INPP4B: variants seen among roughly 807,000 people sequenced by gnomAD.
INPP4B encodes the protein inositol polyphosphate-4-phosphatase type II B.
A neutral mutation model predicts 122.5 loss-of-function variants in INPP4B; 55 were observed. The observed-to-expected ratio is 0.45, with a 90% CI of 0.36 to 0.56. The LOEUF (loss-of-function observed/expected upper bound fraction) is 0.56, where lower values mean the gene tolerates loss of function less well. INPP4B is among the 20% of genes least tolerant of loss of function. INPP4B has a pLI of 0.00. For missense variants in INPP4B, 1,000 were observed against 1,097.7 expected, an observed-to-expected ratio of 0.91 and a Z score of 1.26; for synonymous variants, 403 against 388.7, an observed-to-expected ratio of 1.04 and a Z score of -0.43.
At chr4:142,513,557 G>A (rs1825024771) in intron 2 of INPP4B, among the ~76,000 whole-genome samples, 1 of 152,106 alleles carries the variant, frequency 6.6e-6, no homozygotes, top group Non-Finnish European at 1.5e-5. Context: ...ACAGGCGCCT[G>A]CCACCATTCC....
At chr4:142,824,848 A>C (rs1033858743) in intron 1 of INPP4B, among the ~76,000 whole-genome samples, 1 of 152,152 alleles carries the variant, frequency 6.6e-6, no homozygotes, top group Admixed American at 6.6e-5. Context: ...TAATTTCTAT[A>C]ATATAAATTG....
chr4:142,304,273 A>G (rs541001164), intron 9 of INPP4B, among the ~76,000 whole-genome samples: 2 of 152,230 alleles, frequency 1.3e-5, no homozygotes, highest in East Asian at 1.9e-4. Flanking sequence ...CAAACTGAAA[A>G]CAGTAACAGC....
At chr4:142,289,348 A>C (rs1463057374) in intron 9 of INPP4B, among the ~76,000 whole-genome samples, 1 of 152,262 alleles carries the variant, frequency 6.6e-6, no homozygotes. Context: ...ATAATGTTTA[A>C]AACTGAACTT....
chr4:142,349,893 T>TAA (rs10631958), intron 7 of INPP4B, among the ~76,000 whole-genome samples: 9,768 of 148,154 alleles, frequency 0.066, 344 homozygotes, highest in Middle Eastern at 0.091. Flanking sequence ...AGATAAGTTG[T>TAA]AAAAAAAAAA....
chr4:142,267,023 G>A (rs888321798), intron 10 of INPP4B, among the ~76,000 whole-genome samples: 11 of 151,996 alleles, frequency 7.2e-5, no homozygotes, highest in African/African-American at 2.4e-4. Context: ...TCTGTGTACT[G>A]AAAACTATAA....
At chr4:142,300,495 A>C (rs1381497088) in intron 9 of INPP4B, among the ~76,000 whole-genome samples, 3 of 152,182 alleles carry the variant, frequency 2.0e-5, no homozygotes, top group Non-Finnish European at 2.9e-5. Context: ...TAAAAGCTTA[A>C]AAACCTCACA....
chr4:142,061,883 CACATATATAT>C (rs1458093612), intron 25 of INPP4B, among the ~76,000 whole-genome samples: 9 of 11,668 alleles, frequency 7.7e-4, no homozygotes, highest in East Asian at 2.3e-3. Flanking sequence ...CACACACACA[CACATATATAT>C]ATATATATAT....
intron 23 of INPP4B, among the ~76,000 whole-genome samples, chr4:142,102,096 TA>T (rs1375203767): frequency 6.6e-6 from 1 of 152,066 alleles, no homozygotes; most frequent in African/African-American, 2.4e-5. Flanking sequence ...AATTTCATAT[TA>T]TTTTTAGTTT....
chr4:142,179,253 G>T (rs4956438), intron 15 of INPP4B, among the ~76,000 whole-genome samples: 1 of 151,972 alleles, frequency 6.6e-6, no homozygotes, highest in African/African-American at 2.4e-5. Context: ...TGGGCAGCTT[G>T]CCTGAGTTCA....
intron 25 of INPP4B, among the ~76,000 whole-genome samples, chr4:142,065,561 C>A (rs573017293): frequency 1.3e-5 from 2 of 152,130 alleles, no homozygotes; most frequent in African/African-American, 4.8e-5. Context: ...CATGGATGCA[C>A]CTGGAAAATG....
intron 2 of INPP4B, among the ~76,000 whole-genome samples, chr4:142,521,515 C>T (rs1826062826): frequency 6.6e-6 from 1 of 151,878 alleles, no homozygotes; most frequent in South Asian, 2.1e-4. Flanking sequence ...CAAGTACTGG[C>T]CACATTAATC....
chr4:142,221,367 G>A lies in INPP4B; in HGVS notation c.837-12341C>T, dbSNP rs569663024. ...ACTGCACCACTGCACTCCAGCCTGG[G>A]TGACAGAGCAAGACTCCTTCTCAAA... On this transcript the variant is annotated intron_variant, in intron 12 of 25. Transcript: ENST00000262992. Among the ~76,000 whole-genome samples the A allele has an allele frequency of 1.5e-3, 201 of 133,752 alleles. 1 individual carries two copies. Among genetic ancestry groups the A allele is most frequent in the African/African-American group, 5.0e-3 (178 of 35,496 alleles). 87.7% of individuals were successfully genotyped at this position (133,752 alleles called of 152,430 possible).
chr4:142,082,815 A>G (rs1294903682), intron 24 of INPP4B, among the ~76,000 whole-genome samples: 1 of 152,178 alleles, frequency 6.6e-6, no homozygotes, highest in Non-Finnish European at 1.5e-5. Context: ...AATTTCATAT[A>G]CATTTGCTCT....
At chr4:142,673,659 A>C (rs976481215) in intron 2 of INPP4B, among the ~76,000 whole-genome samples, 2 of 152,150 alleles carry the variant, frequency 1.3e-5, no homozygotes, top group Non-Finnish European at 2.9e-5. Context: ...GGCCTTGAAC[A>C]GTAGAGGTTC....
intron 7 of INPP4B, among the ~76,000 whole-genome samples, chr4:142,336,096 CCT>C (rs901888938): frequency 6.6e-6 from 1 of 152,182 alleles, no homozygotes; most frequent in African/African-American, 2.4e-5. Context: ...TTTTGGGCTC[CCT>C]CTCACACAGA....
At chr4:142,140,302 T>C (rs1176858513) in intron 18 of INPP4B, among the ~76,000 whole-genome samples, 2 of 152,202 alleles carry the variant, frequency 1.3e-5, no homozygotes, top group South Asian at 2.1e-4. Context: ...GGAAAAATAA[T>C]TCAATGGCAT....
intron 9 of INPP4B, among the ~76,000 whole-genome samples, chr4:142,276,569 A>T (rs1337938685): frequency 6.6e-6 from 1 of 151,998 alleles, no homozygotes; most frequent in Non-Finnish European, 1.5e-5. Flanking sequence ...CCAGCTATAA[A>T]ATATAAAGAT....
At chr4:142,836,715 T>C (rs1259005338) in intron 1 of INPP4B, among the ~76,000 whole-genome samples, 6 of 76,852 alleles carry the variant, frequency 7.8e-5, no homozygotes, top group Admixed American at 2.2e-4. Flanking sequence ...GAAAAAGTAC[T>C]GTCTACACAC....
chr4:142,053,134 G>A (rs1389043455), intron 25 of INPP4B, among the ~76,000 whole-genome samples: 1 of 151,998 alleles, frequency 6.6e-6, no homozygotes, highest in Non-Finnish European at 1.5e-5. Flanking sequence ...AAGGGGAAAG[G>A]ACACGGCCAA....
Sources: allele counts gnomAD v4.1 joint callset (sites outside exome capture counted in the v4.1 genomes callset), GRCh38; gene constraint gnomAD v4.1.1; transcripts MANE v1.5; gene names NCBI Gene and HGNC (gene_info 2026-07-23, HGNC 2026-07-21).